PLK2: variants seen among roughly 807,000 people sequenced by gnomAD.
The protein encoded by PLK2 is serine/threonine-protein kinase PLK2.
Under a neutral mutation model 78.1 loss-of-function variants are expected in PLK2, and 25 were observed. The ratio of observed to expected loss-of-function variants is 0.32; its 90% CI spans 0.23 to 0.45. PLK2 has a LOEUF of 0.45. Ranked by LOEUF, PLK2 falls within the 20% of genes least tolerant of loss-of-function variation. The pLI, the probability that PLK2 is intolerant of heterozygous loss-of-function variation, is 1.00. For synonymous variants in PLK2, 332 were observed against 298.2 expected, an observed-to-expected ratio of 1.11 and a Z score of -1.17; for missense variants, 566 against 840.2, an observed-to-expected ratio of 0.67 and a Z score of 4.04.
chr5:58,458,806 A>T lies in PLK2; in HGVS notation c.414T>A (p.His138Gln), dbSNP rs1187998795. ...DKEIELHRIL[H>Q]HKHVVQFYHY... ...GGTAAAACTGCACTACATGCTTATG[A>T]TGAAGAATTCTGTGAAGCTCTATTT... The change falls in exon 3 of 14, where the codon CAT becomes CAA. Residue 138 changes from histidine (H) to glutamine (Q), a missense_variant. This residue lies in a region of PLK2 where 179 missense variants were observed against 342.3 expected (regional missense o/e 0.52). Transcript: ENST00000274289. 2 of 1,605,620 alleles carry T rather than the reference A, an allele frequency of 1.2e-6. No homozygotes were observed. The highest frequency in any genetic ancestry group is 1.7e-6 in the Non-Finnish European group (2 of 1,172,322).
chr5:58,455,990 G>A (rs1249633178), intron 10 of PLK2, 36 bp downstream of exon 10: 18 of 1,596,274 alleles, frequency 1.1e-5, no homozygotes, highest in Admixed American at 1.8e-5. Context: ...GGCATTTCGA[G>A]TTTCATTATT....
At position 58,454,586 on chromosome 5, in the gene PLK2, G is replaced by A. The variant is rs1245045763; in HGVS notation, c.2055C>T (p.Asn685=). ...YALNMLLQRC[N] is the part of the protein sequence containing the mutation. Reference sequence around the variant, plus strand: ...TAGGGTCCATTCGAAAAGTCTTTCAGTTACATCTTTGTAAGAGCATGTTCA... The same window carrying A: ...TAGGGTCCATTCGAAAAGTCTTTCAATTACATCTTTGTAAGAGCATGTTCA... Residue 685 remains asparagine, a synonymous_variant, in exon 14 of 14, where the codon AAC becomes AAT. Coordinates refer to ENST00000274289, the MANE Select transcript of PLK2 (RefSeq NM_006622.4). The A allele has an allele frequency of 1.6e-5, 25 of 1,607,270 alleles. No homozygotes were observed. The East Asian group carries it at 5.6e-4, about 36-fold the overall frequency.
intron 1 of PLK2, chr5:58,459,332 G>A (rs1391149454): frequency 1.7e-6 from 1 of 578,488 alleles, no homozygotes; most frequent in Non-Finnish European, 3.0e-6. Flanking sequence ...GAGCTTTATG[G>A]AGGGAGTTGG....
chr5:58,458,346 G>C, intron 4 of PLK2, 53 bp downstream of exon 4: 1 of 1,584,150 alleles, frequency 6.3e-7, no homozygotes, highest in African/African-American at 1.4e-5. Flanking sequence ...AAAAAACAGA[G>C]AGAGAAAAAA....
In PLK2 at chr5:58,456,905, T is replaced by C. The variant is rs752247773; in HGVS notation, c.1156+40A>G. Reference sequence around the variant, plus strand: ...ACTAATTTACCAAATTTAAATATAATATTGGGTACGAAAAAGGAAAAGAAG... The same window carrying C: ...ACTAATTTACCAAATTTAAATATAACATTGGGTACGAAAAAGGAAAAGAAG... On this transcript the variant is annotated intron_variant, in intron 8 of 13. Coordinates refer to ENST00000274289, the MANE Select transcript of PLK2 (RefSeq NM_006622.4). 20 of 1,319,118 alleles carry C rather than the reference T, an allele frequency of 1.5e-5. No individual in the cohort carries two copies. The South Asian group carries it at 2.5e-4, about 16-fold the overall frequency. The allele number at this position is 1,319,118 out of a possible 1,614,324, so 81.7% of individuals were successfully genotyped here.
In PLK2 at chr5:58,457,173, G is replaced by T; in HGVS notation, c.1008+8C>A. On this transcript the variant is annotated splice_region_variant and intron_variant, in intron 7 of 13. Transcript: ENST00000274289. ...CAGGTAATTAAAAAAAAAAGATAGT[G>T]CACCAACCTGCAAAAAAAAGTCATG... 7 of 1,612,942 alleles carry T rather than the reference G, an allele frequency of 4.3e-6. No homozygotes were observed. The highest frequency in any genetic ancestry group is 5.9e-6 in the Non-Finnish European group (7 of 1,179,144).
rs370547692 is a variant in PLK2, at chr5:58,455,987, C to A, written c.1384+39G>T. The A allele has an allele frequency of 8.2e-6, 13 of 1,593,002 alleles. No homozygotes were observed. The African/African-American group carries it at 1.8e-4, about 22-fold the overall frequency. On this transcript the variant is annotated intron_variant, in intron 10 of 13. Transcript: ENST00000274289. ...TATTATGTATTTAGCACTGGCATTT[C>A]GAGTTTCATTATTTAAAATACGATT...
At position 58,456,985 on chromosome 5, in the gene PLK2, A is replaced by C; in HGVS notation, c.1116T>G (p.Phe372Leu). 6.2e-7 allele frequency: 1 copy of C among 1,609,992 alleles called. No individual in the cohort carries two copies. The highest frequency in any genetic ancestry group is 8.5e-7 in the Non-Finnish European group (1 of 1,177,934). ...ATCTTGCTTTGTCTTTTTTGCCACCAAAAAGAGCAGCAGCTGCTTTCTTAA... is the reference window on the plus strand; with the variant it reads ...ATCTTGCTTTGTCTTTTTTGCCACCCAAAAGAGCAGCAGCTGCTTTCTTAA... Reference protein sequence around the residue: ...NFFKKAAAALFGGKKDKARYI... With the variant: ...NFFKKAAAALLGGKKDKARYI... The change falls in exon 8 of 14, where the codon TTT becomes TTG. Residue 372 changes from phenylalanine to leucine, a missense_variant. Around this residue, in one of 5 missense-constraint regions of PLK2, gnomAD observed 179 missense variants for 342.3 expected, o/e 0.52. Coordinates refer to ENST00000274289, the MANE Select transcript of PLK2 (RefSeq NM_006622.4).
At chr5:58,457,621 T>C (rs1447425300) in intron 5 of PLK2, 38 bp from the exon 6 acceptor site, 2 of 1,217,140 alleles carry the variant, frequency 1.6e-6, no homozygotes, top group Non-Finnish European at 2.4e-6. Flanking sequence ...TTAGGAACTA[T>C]TCCACTACTT....
chr5:58,457,846 G>A (rs1743650067), intron 5 of PLK2: 2 of 590,134 alleles, frequency 3.4e-6, no homozygotes, highest in South Asian at 4.2e-5. Flanking sequence ...CAGGGACGTC[G>A]TGGCATTTTA....
intron 1 of PLK2, chr5:58,459,315 T>C (rs1229045819): frequency 5.2e-6 from 3 of 580,882 alleles, no homozygotes; most frequent in Admixed American, 3.1e-5. Flanking sequence ...TCTTCTTTTA[T>C]AAAGGGGAGC....
rs1219053392 is a variant in PLK2 at position 58,456,524 on chromosome 5, T to A, written c.1222A>T (p.Thr408Ser). The A allele has an allele frequency of 6.2e-7, 1 of 1,612,386 alleles. No homozygotes were observed. Among genetic ancestry groups the A allele is most frequent in the African/African-American group, 1.3e-5 (1 of 74,998 alleles). ...GTCCTGTGTTTGCTGGGTTGCTGAG[T>A]TATTGAAGTCTTTTTCAAATCATGC... ...LRHDLKKTSI[T>S]QQPSKHRTDE... The change falls in exon 9 of 14, where the codon ACT (threonine) becomes TCT (serine). Residue 408 changes from threonine (T) to serine (S), a missense_variant. Thr to Ser is a moderately conservative substitution (Grantham distance 58, BLOSUM62 1). Transcript: ENST00000274289.
In PLK2 at chr5:58,457,028, C is replaced by T; in HGVS notation, c.1073G>A (p.Ser358Asn). Residue 358 changes from serine to asparagine, a missense_variant, in exon 8 of 14, where the codon AGC (serine) becomes AAC (asparagine). Physicochemically the swap from Ser to Asn is conservative, Grantham distance 46. Coordinates refer to ENST00000274289, the MANE Select transcript of PLK2 (RefSeq NM_006622.4). ...TTTCTTAAAGAAATTCTTAGCTGGG[C>T]TTGATAAGTGGAAATCTGGAACTGT... ...CHTVPDFHLSSPAKNFFKKAA... is the reference protein window; with the variant it reads ...CHTVPDFHLSNPAKNFFKKAA... 6.2e-7 allele frequency: 1 copy of T among 1,613,516 alleles called. No individual in the cohort carries two copies. The highest frequency in any genetic ancestry group is 8.5e-7 in the Non-Finnish European group (1 of 1,179,612).
intron 12 of PLK2, 39 bp downstream of exon 12, chr5:58,455,246 A>G: frequency 6.2e-7 from 1 of 1,608,472 alleles, no homozygotes; most frequent in African/African-American, 1.3e-5. Context: ...TTTGTGGCCT[A>G]CACTTCAAAT....
Position 58,459,864 on chromosome 5 carries a change from C to T in PLK2, c.96G>A (p.Lys32=). 1 of 1,611,312 alleles carries T rather than the reference C, an allele frequency of 6.2e-7. No individual in the cohort carries two copies. ...LGKGCGADSK[K]KRPPQPPEES... is the part of the protein sequence containing the mutation. The stretch of plus-strand genomic sequence containing the variant: ...CCTCGGGGGGCTGCGGCGGCCGCTT[C>T]TTCTTCGAGTCCGCTCCGCAACCCT... Residue 32 remains lysine, a synonymous_variant, in exon 1 of 14, where the codon AAG becomes AAA. Coordinates refer to ENST00000274289, the MANE Select transcript of PLK2 (RefSeq NM_006622.4).
chr5:58,457,593 C>A lies in PLK2; in HGVS notation c.714-10G>T, dbSNP rs780263180. On this transcript the variant is annotated splice_polypyrimidine_tract_variant and intron_variant, in intron 5 of 13. Coordinates refer to ENST00000274289, the MANE Select transcript of PLK2 (RefSeq NM_006622.4). ...GGTACCACATATCGTTCTGGAAAGA[C>A]AAAATATTGAGATCGTGTTAGGAAC... 6.6e-7 allele frequency: 1 copy of A among 1,512,056 alleles called. No individual in the cohort carries two copies. Among genetic ancestry groups the A allele is most frequent in the Admixed American group, 1.7e-5 (1 of 59,882 alleles). 93.7% of individuals were successfully genotyped at this position (1,512,056 alleles called of 1,614,324 possible).
At chr5:58,456,629 T>G in intron 8 of PLK2, 40 bp from the exon 9 acceptor site, 2 of 1,252,784 alleles carry the variant, frequency 1.6e-6, no homozygotes, top group Non-Finnish European at 2.3e-6. Flanking sequence ...TTAGTCTATC[T>G]TAACAAGGTA....
Position 58,458,414 on chromosome 5 carries a change from T to G in PLK2, c.610A>C (p.Arg204=), listed in dbSNP as rs778858793. 4 of 1,614,002 alleles carry G rather than the reference T, an allele frequency of 2.5e-6. No homozygotes were observed. The South Asian group carries it at 4.4e-5, about 18-fold the overall frequency. ...AATGACTTACCTAGTTTGAGATCTC[T>G]GTGCAAGATTTCTTGTTCATGAAGG... ...KYLHEQEILH[R]DLKLGNFFIN... Residue 204 remains arginine (R), a synonymous_variant, in exon 4 of 14, where the codon AGA becomes CGA. Coordinates refer to ENST00000274289, the MANE Select transcript of PLK2 (RefSeq NM_006622.4).
chr5:58,457,061 C>T lies in PLK2; in HGVS notation c.1040G>A (p.Cys347Tyr). The T allele has an allele frequency of 4.3e-6, 7 of 1,613,706 alleles. No individual in the cohort carries two copies. The highest frequency in any genetic ancestry group is 5.9e-6 in the Non-Finnish European group (7 of 1,179,868). ...GTGGAAATCTGGAACTGTATGACAACAGCTAGAAGACAGTCTGTCCGGAGT... is the reference window on the plus strand; with the variant it reads ...GTGGAAATCTGGAACTGTATGACAATAGCTAGAAGACAGTCTGTCCGGAGT... ...GFTPDRLSSS[C>Y]CHTVPDFHLS... The change falls in exon 8 of 14, where the codon TGT becomes TAT. Residue 347 changes from cysteine (C) to tyrosine (Y), a missense_variant. This residue lies in a region of PLK2 where 179 missense variants were observed against 342.3 expected (regional missense o/e 0.52). Transcript: ENST00000274289.
Sources: gnomAD v4.1 joint callset for allele counts on GRCh38, gnomAD v4.1.1 for gene constraint, gnomAD v4.1.1 regional missense constraint, MANE v1.5 for transcripts, NCBI Gene and HGNC (gene_info 2026-07-23, HGNC 2026-07-21) for gene names.